The following LAMA1 variants were observed in gnomAD, a reference collection of about 807,000 sequenced individuals.
LAMA1 encodes the protein laminin subunit alpha 1, also known as laminin subunit alpha-1.
Under a neutral mutation model 348.7 loss-of-function variants are expected in LAMA1, and 219 were observed. That is an observed-to-expected ratio of 0.63 (90% confidence interval 0.56 to 0.70). LAMA1 has a LOEUF of 0.70. Among genes scored for constraint, LAMA1 ranks in the 30% least tolerant of loss-of-function variants. LAMA1 has a pLI of 0.00. For synonymous variants in LAMA1, 1,487 were observed against 1,491.0 expected (o/e 1.00, Z 0.06); for missense variants, 3,744 against 3,888.0 (o/e 0.96, Z 0.99).
At chr18:7,112,844 A>G (rs1345063667) in intron 1 of LAMA1, among the ~76,000 whole-genome samples, 1 of 152,112 alleles carries the variant, frequency 6.6e-6, no homozygotes. Context: ...CATGTTGGTC[A>G]GTCTGGTCTT....
chr18:6,956,451 A>G (rs1600347222), intron 56 of LAMA1, 185 bp downstream of exon 56: 1 of 901,884 alleles, frequency 1.1e-6, no homozygotes. Flanking sequence ...GGGCCGTGTC[A>G]TCTGAGTTGC....
Position 7,107,052 on chromosome 18 carries a change from G to T in LAMA1, c.61+10608C>A, listed in dbSNP as rs148238489. 7.8e-4 allele frequency among the ~76,000 whole-genome samples: 119 copies of T among 151,632 alleles called. 1 individual carries two copies. Among genetic ancestry groups the T allele is most frequent in the African/African-American group, 2.8e-3 (115 of 41,288 alleles). ...TTACATGAATATGAGCAAGCAGAAC[G>T]TAGATGGCAATGTCCACTCCTATGA... is the stretch of plus-strand genomic sequence containing the variant. On this transcript the variant is annotated intron_variant, in intron 1 of 62. Transcript: ENST00000389658.
At chr18:6,943,547 T>C (rs1404510798) in intron 61 of LAMA1, 145 bp from the exon 62 acceptor site, 1 of 735,144 alleles carries the variant, frequency 1.4e-6, no homozygotes, top group Non-Finnish European at 2.4e-6. Flanking sequence ...AAAAGTAACC[T>C]TTTAAAGGAT....
chr18:7,020,852 C>G (rs1327377419), intron 19 of LAMA1, among the ~76,000 whole-genome samples: 1 of 152,216 alleles, frequency 6.6e-6, no homozygotes, highest in South Asian at 2.1e-4. Context: ...CTCCTCAACG[C>G]TGGCAGCAGG....
rs78886392 is a variant in LAMA1 at position 7,102,643 on chromosome 18, C to A, written c.61+15017G>T. Among the ~76,000 whole-genome samples the A allele has an allele frequency of 3.5e-3, 526 of 152,162 alleles. 5 individuals are homozygous for A. The highest frequency in any genetic ancestry group is 6.2e-3 in the Non-Finnish European group (422 of 68,002). Reference sequence around the variant, plus strand: ...GTCTGAGACTTTCAGAAACAGAAACCGCTCCCAAATCTGAACTGAGGAACA... The same window carrying A: ...GTCTGAGACTTTCAGAAACAGAAACAGCTCCCAAATCTGAACTGAGGAACA... On this transcript the variant is annotated intron_variant, in intron 1 of 62. Transcript: ENST00000389658.
chr18:6,997,825 C>T lies in LAMA1; in HGVS notation c.4723G>A (p.Val1575Ile), dbSNP rs150510890. The change falls in exon 33 of 63, where the codon GTT becomes ATT. Residue 1575 changes from valine to isoleucine, a missense_variant. By Grantham distance (29) the Val-to-Ile change is conservative. This residue lies in a region of LAMA1 where 1,983 missense variants were observed against 1,934.3 expected (regional missense o/e 1.03). Transcript: ENST00000389658. ...ATGCCAGTGAGGTTCAGAGAAAGAA[C>T]GGCATCACCAATCTCATCCAAGTCA... ...LNDLDEIGDA[V>I]LSLNLTGIIP... 366 of 1,613,830 alleles carry T rather than the reference C, an allele frequency of 2.3e-4. No individual in the cohort carries two copies. The highest frequency in any genetic ancestry group is 2.9e-4 in the Non-Finnish European group (338 of 1,179,834).
intron 3 of LAMA1, among the ~76,000 whole-genome samples, chr18:7,069,480 C>A (rs1427748657): frequency 6.6e-6 from 1 of 152,198 alleles, no homozygotes; most frequent in Non-Finnish European, 1.5e-5. Context: ...CTTCACCCCT[C>A]CTCCGGTTGA....
rs756645560 is a variant in LAMA1, at chr18:7,011,349, C to T, written c.3638G>A (p.Arg1213His). 14 of 1,612,346 alleles carry T rather than the reference C, an allele frequency of 8.7e-6. No individual in the cohort carries two copies. The highest frequency in any genetic ancestry group is 1.6e-4 in the Middle Eastern group (1 of 6,074). Residue 1213 changes from arginine (R) to histidine (H), a missense_variant, in exon 25 of 63, where the codon CGT becomes CAT. Arg to His is a conservative substitution (Grantham distance 29). This residue lies in a region of LAMA1 where 1,529 missense variants were observed against 1,689.4 expected (regional missense o/e 0.91). Coordinates refer to ENST00000389658, the MANE Select transcript of LAMA1 (RefSeq NM_005559.4). Reference protein sequence around the residue: ...LDAATVRQHIRAEPFYWRLPQ... With the variant: ...LDAATVRQHIHAEPFYWRLPQ... ...CAGCCGCCAGTAAAACGGCTCTGCACGGATGTGCTGCCGGACGGTGGCGGC... is the reference window on the plus strand; with the variant it reads ...CAGCCGCCAGTAAAACGGCTCTGCATGGATGTGCTGCCGGACGGTGGCGGC...
chr18:7,075,984 C>T (rs181561214), intron 3 of LAMA1, among the ~76,000 whole-genome samples: 263 of 151,720 alleles, frequency 1.7e-3, no homozygotes, highest in Middle Eastern at 0.014. Context: ...TGACTCAGTG[C>T]CTGAACTGTG....
At chr18:7,013,720 A>G in intron 23 of LAMA1, 95 bp downstream of exon 23, 1 of 1,192,950 alleles carries the variant, frequency 8.4e-7, no homozygotes, top group Non-Finnish European at 1.2e-6. Context: ...TAGGAAAAGC[A>G]TCCAAAACCT....
In LAMA1 at chr18:7,037,046, T is replaced by C. The variant is rs554586899; in HGVS notation, c.1737+532A>G. On this transcript the variant is annotated intron_variant, in intron 12 of 62. Coordinates refer to ENST00000389658, the MANE Select transcript of LAMA1 (RefSeq NM_005559.4). ...ACCTCCACATTGCAGAATCACCAGT[T>C]TGCATTTTCTTGAAATATAACAAAA... Among the ~76,000 whole-genome samples the C allele has an allele frequency of 1.4e-4, 22 of 152,342 alleles. No individual in the cohort carries two copies. The South Asian group carries it at 4.6e-3, about 32-fold the overall frequency.
intron 36 of LAMA1, among the ~76,000 whole-genome samples, chr18:6,990,157 C>A (rs895756081): frequency 6.6e-6 from 1 of 152,132 alleles, no homozygotes; most frequent in Admixed American, 6.5e-5. Context: ...CTATTTTAAA[C>A]TTTCTTATTG....
At chr18:7,078,853 G>A (rs1258603538) in intron 3 of LAMA1, among the ~76,000 whole-genome samples, 4 of 152,108 alleles carry the variant, frequency 2.6e-5, no homozygotes, top group Non-Finnish European at 5.9e-5. Flanking sequence ...CAGGCATGGC[G>A]ACAGGAGCCT....
Position 7,050,868 on chromosome 18 carries a change from C to T in LAMA1, c.414G>A (p.Glu138=), listed in dbSNP as rs746536416. Residue 138 remains glutamate (E), a synonymous_variant, in exon 4 of 63, where the codon GAG becomes GAA. Coordinates refer to ENST00000389658, the MANE Select transcript of LAMA1 (RefSeq NM_005559.4). ...NAPRPGNWIL[E]RSLDGTTFSP... is the part of the protein sequence containing the mutation. ...TGAACGTGGTGCCATCCAGAGAACG[C>T]TCCAAAATCCAGTTTCCAGGTCGAG... The T allele has an allele frequency of 1.2e-6, 2 of 1,614,044 alleles. No individual in the cohort carries two copies. The highest frequency in any genetic ancestry group is 2.2e-5 in the East Asian group (1 of 44,884).
chr18:7,032,281 G>A (rs1271283448), intron 15 of LAMA1, 105 bp from the exon 16 acceptor site: 1 of 749,348 alleles, frequency 1.3e-6, no homozygotes, highest in Non-Finnish European at 2.4e-6. Context: ...CTTAACTGAG[G>A]TATCATTTAC....
chr18:7,045,063 G>A (rs971722758), intron 6 of LAMA1, among the ~76,000 whole-genome samples: 11 of 151,456 alleles, frequency 7.3e-5, no homozygotes, highest in Non-Finnish European at 1.5e-4. Flanking sequence ...ACCAGAATAC[G>A]ACTTAGCTAA....
Position 6,965,429 on chromosome 18 carries a change from C to T in LAMA1, c.7054G>A (p.Asp2352Asn). The T allele has an allele frequency of 2.5e-6, 4 of 1,614,152 alleles. No homozygotes were observed. Among genetic ancestry groups the T allele is most frequent in the Non-Finnish European group, 3.4e-6 (4 of 1,180,016 alleles). Residue 2352 changes from aspartate (D) to asparagine (N), a missense_variant, in exon 50 of 63, where the codon GAC becomes AAC. Asp to Asn is a conservative substitution (Grantham distance 23). This residue lies in a region of LAMA1 where 1,983 missense variants were observed against 1,934.3 expected (regional missense o/e 1.03). Transcript: ENST00000389658. ...LLYLGSYGTK[D>N]FLSIELFRGR... ...CGAAACAGCTCGATGGATAAAAAGT[C>T]TTTCTGTAAAAAAGAGAACACAGTT...
At position 7,015,873 on chromosome 18, in the gene LAMA1, A is replaced by C. The variant is rs1464161385; in HGVS notation, c.2990-15T>G. On this transcript the variant is annotated splice_polypyrimidine_tract_variant and intron_variant, in intron 21 of 62. Transcript: ENST00000389658. The stretch of plus-strand genomic sequence containing the variant: ...GCAGTCACAGGCTGAAATAAAGATG[A>C]ATGCTGGGTTACAGATCTGGGTGAT... The C allele has an allele frequency of 3.1e-6, 5 of 1,614,006 alleles. No individual in the cohort carries two copies. In the East Asian group the frequency reaches 1.1e-4, roughly 36 times the overall value.
At chr18:7,114,965 T>C (rs2058349986) in intron 1 of LAMA1, among the ~76,000 whole-genome samples, 2 of 152,194 alleles carry the variant, frequency 1.3e-5, no homozygotes, top group Admixed American at 1.3e-4. Context: ...TCAATCATGC[T>C]AGATTAACTA....
Sources: allele counts gnomAD v4.1 joint callset (sites outside exome capture counted in the v4.1 genomes callset), GRCh38; gene constraint gnomAD v4.1.1; regional missense constraint gnomAD v4.1.1; transcripts MANE v1.5; gene names NCBI Gene and HGNC (gene_info 2026-07-23, HGNC 2026-07-21).